ASPRV1: variants seen among roughly 807,000 people sequenced by gnomAD.
ASPRV1 encodes the protein aspartic peptidase retroviral like 1, also known as retroviral-like aspartic protease 1.
In ASPRV1, 7 loss-of-function variants were observed where a neutral mutation model predicts 11.0. The ratio of observed to expected loss-of-function variants is 0.64; its 90% CI spans 0.36 to 1.20. The LOEUF is 1.20. Ranked by LOEUF, ASPRV1 falls within the 50% of genes most tolerant of loss-of-function variation. The pLI is 0.02. For missense variants in ASPRV1, 299 were observed against 320.0 expected (o/e 0.93, Z 0.50); for synonymous variants, 136 against 138.4 (o/e 0.98, Z 0.12).
chr2:70,000,150 A>G, the ASPRV1 span, among the ~76,000 whole-genome samples: 1 of 152,188 alleles, frequency 6.6e-6, no homozygotes, highest in Non-Finnish European at 1.5e-5. Context: ...AAAAATGAAC[A>G]AGACTAAATG....
the ASPRV1 span, among the ~76,000 whole-genome samples, chr2:69,986,381 C>T: frequency 0.15 from 22,624 of 152,234 alleles, 2,537 homozygotes; most frequent in East Asian, 0.31. Context: ...GCACTCCCCT[C>T]GCTCAGAGAG....
the ASPRV1 span, among the ~76,000 whole-genome samples, chr2:70,063,089 G>C: frequency 6.6e-6 from 1 of 152,078 alleles, no homozygotes; most frequent in Non-Finnish European, 1.5e-5. Flanking sequence ...CTTCAAAACA[G>C]AACACACCGT....
At chr2:70,030,671 TACAACCAAGCAG>T in the ASPRV1 span, 17 of 152,150 alleles carry the variant, frequency 1.1e-4, no homozygotes, top group Non-Finnish European at 1.8e-4. Flanking sequence ...TGGTTTGGTT[TACAACCAAGCAG>T]AAGTTAATTA....
the ASPRV1 span, chr2:69,938,238 A>G: frequency 1.2e-6 from 2 of 1,614,208 alleles, no homozygotes; most frequent in Non-Finnish European, 1.7e-6. Flanking sequence ...ACCAGCATCA[A>G]GAGAATAAAG....
chr2:69,981,640 T>A, the ASPRV1 span, among the ~76,000 whole-genome samples: 1 of 152,326 alleles, frequency 6.6e-6, no homozygotes, highest in Non-Finnish European at 1.5e-5. Context: ...CACTGCAACC[T>A]CCGCCTCCCG....
At chr2:70,006,907 A>T in the ASPRV1 span, among the ~76,000 whole-genome samples, 3 of 152,200 alleles carry the variant, frequency 2.0e-5, no homozygotes, top group African/African-American at 7.2e-5. Context: ...ATACTAATCC[A>T]GAGTGCAGCC....
At chr2:70,002,224 T>TAC in the ASPRV1 span, among the ~76,000 whole-genome samples, 1 of 152,336 alleles carries the variant, frequency 6.6e-6, no homozygotes, top group African/African-American at 2.4e-5. Flanking sequence ...TGTCCAGAGC[T>TAC]ACCCTGTGGC....
chr2:69,958,858 C>CT (rs1677998694), downstream of ASPRV1, among the ~76,000 whole-genome samples: 1 of 152,236 alleles, frequency 6.6e-6, no homozygotes, highest in Non-Finnish European at 1.5e-5. Flanking sequence ...CTCCCACCCA[C>CT]TTCTCTAGGC....
the ASPRV1 span, among the ~76,000 whole-genome samples, chr2:70,040,419 C>T: frequency 6.6e-6 from 1 of 152,264 alleles, no homozygotes; most frequent in Admixed American, 6.5e-5. Flanking sequence ...GAGATGGAGT[C>T]TTGCTCTGTC....
In ASPRV1 at chr2:69,960,601, C is replaced by T. The variant is rs999632120; in HGVS notation, c.*56G>A. 3.9e-6 allele frequency: 6 copies of T among 1,525,944 alleles called. No individual in the cohort carries two copies. The highest frequency in any genetic ancestry group is 3.7e-5 in the Admixed American group (2 of 53,818). The allele number at this position is 1,525,944 out of a possible 1,614,324, so 94.5% of individuals were successfully genotyped here. On this transcript the variant is annotated 3_prime_UTR_variant, in exon 1 of 1. Coordinates refer to ENST00000320256, the MANE Select transcript of ASPRV1 (RefSeq NM_152792.4). ...ACCCCCATGAGGATATGCAACCCCC[C>T]CCACAGCGGTGGGTCTTCCCACCAA...
chr2:70,003,006 A>C, the ASPRV1 span: 1 of 152,232 alleles, frequency 6.6e-6, no homozygotes, highest in Non-Finnish European at 1.5e-5. Context: ...CAAAAAGTAA[A>C]TGTTTATAGT....
At chr2:70,052,245 C>T in the ASPRV1 span, among the ~76,000 whole-genome samples, 23,314 of 151,930 alleles carry the variant, frequency 0.15, 2,775 homozygotes, top group East Asian at 0.3. Context: ...CCACTGATAA[C>T]AGATAAAATA....
At chr2:70,033,486 C>T in the ASPRV1 span, among the ~76,000 whole-genome samples, 2 of 152,090 alleles carry the variant, frequency 1.3e-5, no homozygotes, top group African/African-American at 4.8e-5. Context: ...TTCAAAACAA[C>T]TTAGCTCTCC....
chr2:69,940,498 CTTTG>C, the ASPRV1 span: 1 of 152,554 alleles, frequency 6.6e-6, no homozygotes, highest in Non-Finnish European at 1.5e-5. Context: ...TTGTGTACTT[CTTTG>C]TTTAATTTAG....
chr2:69,983,922 A>G, the ASPRV1 span, among the ~76,000 whole-genome samples: 1 of 152,226 alleles, frequency 6.6e-6, no homozygotes, highest in African/African-American at 2.4e-5. Flanking sequence ...CAAGGAGACT[A>G]GCACTGCCTC....
At chr2:70,037,420 T>C in the ASPRV1 span, among the ~76,000 whole-genome samples, 1 of 152,168 alleles carries the variant, frequency 6.6e-6, no homozygotes, top group African/African-American at 2.4e-5. Flanking sequence ...GCCTCCTGCA[T>C]TCAGGCCGTT....
chr2:69,960,829 T>C lies in ASPRV1; in HGVS notation c.608A>G (p.Asp203Gly), dbSNP rs949673516. Residue 203 changes from aspartate (D) to glycine (G), a missense_variant, in exon 1 of 1, where the codon GAT becomes GGT. Physicochemically the swap from Asp to Gly is moderately conservative, Grantham distance 94. Coordinates refer to ENST00000320256, the MANE Select transcript of ASPRV1 (RefSeq NM_152792.4). ...ASAEEAIIGTDVLQDHNAILD... is the reference protein window; with the variant it reads ...ASAEEAIIGTGVLQDHNAILD... ...GATAGCATTGTGGTCCTGGAGCACA[T>C]CAGTGCCAATGATGGCTTCCTCGGC... 11 of 1,613,934 alleles carry C rather than the reference T, an allele frequency of 6.8e-6. No homozygotes were observed. The highest frequency in any genetic ancestry group is 8.5e-6 in the Non-Finnish European group (10 of 1,180,004).
At chr2:70,080,512 C>G in the ASPRV1 span, among the ~76,000 whole-genome samples, 1 of 152,174 alleles carries the variant, frequency 6.6e-6, no homozygotes, top group South Asian at 2.1e-4. Flanking sequence ...CAGGCGTGAG[C>G]CACTGTGCCC....
chr2:70,028,778 A>T, the ASPRV1 span, among the ~76,000 whole-genome samples: 1 of 151,944 alleles, frequency 6.6e-6, no homozygotes, highest in Non-Finnish European at 1.5e-5. Flanking sequence ...CCACCATGGG[A>T]TGACGCAACA....
Sources: gnomAD v4.1 joint callset for allele counts (sites outside exome capture counted in the v4.1 genomes callset) on GRCh38, gnomAD v4.1.1 for gene constraint, MANE v1.5 for transcripts, NCBI Gene and HGNC (gene_info 2026-07-23, HGNC 2026-07-21) for gene names.